Variants in GALNT13 observed in about 807,000 individuals in gnomAD.
GALNT13 encodes the protein polypeptide N-acetylgalactosaminyltransferase 13.
In GALNT13, 28 loss-of-function variants were observed where a neutral mutation model predicts 64.2. That is an observed-to-expected ratio of 0.44 (90% CI 0.32 to 0.60). The LOEUF is 0.60. Ranked by LOEUF, GALNT13 falls within the 20% of genes least tolerant of loss-of-function variation. The probability of loss-of-function intolerance (pLI) is 0.05; values close to 1 mark genes in which losing one functional copy is unlikely to be tolerated. For missense variants in GALNT13, 577 were observed against 669.8 expected (o/e 0.86, Z 1.53); for synonymous variants, 214 against 224.6 (o/e 0.95, Z 0.42).
chr2:153,401,105 C>T, the GALNT13 span, among the ~76,000 whole-genome samples: 1 of 152,136 alleles, frequency 6.6e-6, no homozygotes, highest in South Asian at 2.1e-4. Context: ...GAATGTGTCC[C>T]AGAGATTCTG....
At chr2:154,432,407 G>T (rs1346876452) in intron 11 of GALNT13, among the ~76,000 whole-genome samples, 2 of 152,112 alleles carry the variant, frequency 1.3e-5, no homozygotes, top group Non-Finnish European at 2.9e-5. Flanking sequence ...ATCTGATTTC[G>T]TGACTTTAGA....
rs1203987591 is a variant in GALNT13 at position 154,140,440 on chromosome 2, G to A, written c.246G>A (p.Gln82=). ...TGAAAGAGCTGTTTAAAATCAATCA[G>A]TTTAACCTTATGGCCAGTGATTTGA... ...EKMKELFKIN[Q]FNLMASDLIA... is the part of the protein sequence containing the mutation. The change falls in exon 4 of 13, where the codon CAG becomes CAA. Residue 82 remains glutamine (Q), a synonymous_variant. Coordinates refer to ENST00000392825, the MANE Select transcript of GALNT13 (RefSeq NM_052917.4). 2 of 1,612,784 alleles carry A rather than the reference G, an allele frequency of 1.2e-6. No individual in the cohort carries two copies. The highest frequency in any genetic ancestry group is 1.7e-6 in the Non-Finnish European group (2 of 1,178,988).
the GALNT13 span, among the ~76,000 whole-genome samples, chr2:153,375,857 A>T: frequency 4.3e-4 from 66 of 152,278 alleles, 2 homozygotes; most frequent in East Asian, 0.013. Context: ...TATTTGACTC[A>T]TGGTTCTGCA....
chr2:153,461,532 A>G, the GALNT13 span, among the ~76,000 whole-genome samples: 1 of 152,060 alleles, frequency 6.6e-6, no homozygotes, highest in East Asian at 1.9e-4. Context: ...CCCTCTCCGG[A>G]TAAGAAATAG....
the GALNT13 span, among the ~76,000 whole-genome samples, chr2:153,838,866 T>C: frequency 6.6e-6 from 1 of 151,896 alleles, no homozygotes; most frequent in Admixed American, 6.6e-5. Flanking sequence ...TTTAGACAAC[T>C]TTAGGTAATA....
At chr2:153,729,007 A>G in the GALNT13 span, among the ~76,000 whole-genome samples, 4 of 152,316 alleles carry the variant, frequency 2.6e-5, no homozygotes, top group East Asian at 7.7e-4. Flanking sequence ...TAGTGTATCA[A>G]CCAAAAAAAG....
chr2:154,002,006 G>A (rs962585858), intron 3 of GALNT13, among the ~76,000 whole-genome samples: 8 of 152,032 alleles, frequency 5.3e-5, no homozygotes, highest in Non-Finnish European at 8.8e-5. Context: ...GTCTTTCTTG[G>A]AAGGTAGGGT....
chr2:154,128,672 A>G (rs1438183632), intron 3 of GALNT13, among the ~76,000 whole-genome samples: 2 of 152,138 alleles, frequency 1.3e-5, no homozygotes, highest in Non-Finnish European at 2.9e-5. Context: ...ATATGTGATC[A>G]CTGAGGTTAA....
At chr2:154,024,009 G>A (rs1181559579) in intron 3 of GALNT13, among the ~76,000 whole-genome samples, 5 of 152,208 alleles carry the variant, frequency 3.3e-5, no homozygotes, top group Non-Finnish European at 5.9e-5. Context: ...CTTTAAGAAT[G>A]TTGAATATTG....
the GALNT13 span, among the ~76,000 whole-genome samples, chr2:153,627,145 C>A: frequency 2.0e-5 from 3 of 151,998 alleles, no homozygotes; most frequent in Non-Finnish European, 4.4e-5. Context: ...TATAAAGGGA[C>A]AAGCCTGATC....
At chr2:153,728,358 C>T in the GALNT13 span, among the ~76,000 whole-genome samples, 1 of 152,188 alleles carries the variant, frequency 6.6e-6, no homozygotes, top group East Asian at 1.9e-4. Context: ...TACACTCCCA[C>T]CAACAGTGTA....
intron 3 of GALNT13, among the ~76,000 whole-genome samples, chr2:154,133,323 A>T (rs1288266415): frequency 6.6e-6 from 1 of 151,820 alleles, no homozygotes; most frequent in Non-Finnish European, 1.5e-5. Context: ...TTAAATTTAA[A>T]TGGTGATTTG....
chr2:154,335,937 AT>A (rs199843837), intron 9 of GALNT13, among the ~76,000 whole-genome samples: 3 of 151,748 alleles, frequency 2.0e-5, no homozygotes, highest in African/African-American at 4.8e-5. Flanking sequence ...AAATTTATGT[AT>A]TTTTTTTAGT....
At chr2:154,133,445 AAC>A (rs779760224) in intron 3 of GALNT13, among the ~76,000 whole-genome samples, 3 of 150,248 alleles carry the variant, frequency 2.0e-5, no homozygotes, top group Non-Finnish European at 4.4e-5. Context: ...AGCTTGTATT[AAC>A]ACATATCAAT....
chr2:153,088,774 T>A, the GALNT13 span, among the ~76,000 whole-genome samples: 1 of 152,174 alleles, frequency 6.6e-6, no homozygotes, highest in African/African-American at 2.4e-5. Context: ...TTTTGTTTGA[T>A]ACAAGAATAG....
the GALNT13 span, among the ~76,000 whole-genome samples, chr2:153,386,983 C>T: frequency 1.3e-5 from 2 of 152,196 alleles, no homozygotes; most frequent in Admixed American, 6.5e-5. Context: ...CCATCCTTCT[C>T]TCCCCAAACA....
chr2:153,361,278 G>A, the GALNT13 span, among the ~76,000 whole-genome samples: 8 of 152,012 alleles, frequency 5.3e-5, no homozygotes, highest in South Asian at 4.1e-4. Flanking sequence ...ATGAAAAAAC[G>A]CTGAAACCTA....
chr2:153,218,974 T>G, the GALNT13 span, among the ~76,000 whole-genome samples: 25 of 152,358 alleles, frequency 1.6e-4, no homozygotes, highest in African/African-American at 6.0e-4. Context: ...GGTAGTGACA[T>G]GTTTCACAAC....
the GALNT13 span, among the ~76,000 whole-genome samples, chr2:153,606,144 A>T: frequency 4.1e-4 from 63 of 152,290 alleles, no homozygotes; most frequent in Middle Eastern, 6.8e-3. Flanking sequence ...GTTAACAAAC[A>T]TATGTCATCA....
Sources: gnomAD v4.1 joint callset for allele counts (sites outside exome capture counted in the v4.1 genomes callset) on GRCh38, gnomAD v4.1.1 for gene constraint, MANE v1.5 for transcripts, NCBI Gene and HGNC (gene_info 2026-07-23, HGNC 2026-07-21) for gene names.